Variants in CLEC12A observed in about 807,000 individuals in gnomAD.
The protein encoded by CLEC12A is C-type lectin protein CLL-1.
Under a neutral mutation model 26.5 loss-of-function variants are expected in CLEC12A, and 22 were observed. The ratio of observed to expected loss-of-function variants is 0.83; its 90% CI spans 0.59 to 1.19. The LOEUF (loss-of-function observed/expected upper bound fraction) is 1.19, where lower values mean the gene tolerates loss of function less well. Among genes scored for constraint, CLEC12A ranks in the 50% most tolerant of loss-of-function variants. The pLI is 0.00. For missense variants in CLEC12A, 353 were observed against 315.6 expected, an observed-to-expected ratio of 1.12 and a Z score of -0.90; for synonymous variants, 119 against 101.9, an observed-to-expected ratio of 1.17 and a Z score of -1.01.
downstream of CLEC12A, chr12:9,986,273 C>T (rs917486380): frequency 1.9e-5 from 5 of 256,906 alleles, no homozygotes; most frequent in African/African-American, 4.8e-5. Context: ...ACTAAAAATA[C>T]GAAGAAAAAT....
At chr12:9,965,247 T>A (rs990668949) in intron 1 of CLEC12A, among the ~76,000 whole-genome samples, 17 of 152,040 alleles carry the variant, frequency 1.1e-4, no homozygotes, top group African/African-American at 4.1e-4. Flanking sequence ...TGTGTAAGAA[T>A]TCTGACTGCC....
intron 1 of CLEC12A, among the ~76,000 whole-genome samples, chr12:9,963,259 T>G (rs1238544279): frequency 6.6e-6 from 1 of 152,030 alleles, no homozygotes; most frequent in African/African-American, 2.4e-5. Flanking sequence ...GGCTCTATCC[T>G]TGAGTTTTTT....
chr12:10,002,908 C>T, the CLEC12A span, among the ~76,000 whole-genome samples: 1 of 152,054 alleles, frequency 6.6e-6, no homozygotes, highest in Admixed American at 6.5e-5. Context: ...GGAGTACATG[C>T]AGTAAGAATG....
intron 1 of CLEC12A, among the ~76,000 whole-genome samples, chr12:9,972,937 A>G (rs981919832): frequency 2.6e-5 from 4 of 152,032 alleles, no homozygotes; most frequent in South Asian, 2.1e-4. Context: ...TTGTCCTCTC[A>G]CACCCTTTCC....
At chr12:9,967,163 G>T (rs1026251369), upstream of CLEC12A, among the ~76,000 whole-genome samples, 8 of 151,780 alleles carry the variant, frequency 5.3e-5, no homozygotes, top group Admixed American at 3.3e-4. Context: ...AGGTCACATG[G>T]GTTTGTAGAA....
intron 4 of CLEC12A, among the ~76,000 whole-genome samples, chr12:9,990,734 T>C (rs146908009): frequency 0.014 from 2,173 of 152,246 alleles, 34 homozygotes; most frequent in Admixed American, 0.033. Flanking sequence ...ATGAGTAAAA[T>C]GCTATTTAAC....
chr12:9,953,424 G>A (rs1366473849), intron 1 of CLEC12A: 1 of 81,116 alleles, frequency 1.2e-5, no homozygotes, highest in African/African-American at 4.1e-5. Flanking sequence ...TCAGCCCCCC[G>A]CCTGGCCAGC....
At chr12:9,973,500 T>C (rs1018937362) in intron 1 of CLEC12A, among the ~76,000 whole-genome samples, 3 of 151,228 alleles carry the variant, frequency 2.0e-5, no homozygotes, top group Non-Finnish European at 2.9e-5. Context: ...AACAAACAAA[T>C]AAAAACAACT....
intron 1 of CLEC12A, among the ~76,000 whole-genome samples, chr12:9,960,870 T>A (rs185769220): frequency 5.3e-4 from 81 of 152,270 alleles, no homozygotes; most frequent in African/African-American, 1.8e-3. Context: ...CCCAGCATGA[T>A]TTTTTCCCTA....
At chr12:9,957,774 T>A (rs1863767228) in intron 1 of CLEC12A, among the ~76,000 whole-genome samples, 2 of 152,222 alleles carry the variant, frequency 1.3e-5, no homozygotes, top group African/African-American at 4.8e-5. Flanking sequence ...AGCTATCAAT[T>A]TACATTGCCA....
At chr12:9,986,687 T>C (rs1327016460), downstream of CLEC12A, among the ~76,000 whole-genome samples, 1 of 152,144 alleles carries the variant, frequency 6.6e-6, no homozygotes, top group Non-Finnish European at 1.5e-5. Context: ...GACACACGCC[T>C]ACAGTCCCAG....
intron 1 of CLEC12A, among the ~76,000 whole-genome samples, chr12:9,975,558 C>T (rs541398883): frequency 2.6e-5 from 4 of 152,150 alleles, no homozygotes; most frequent in African/African-American, 7.2e-5. Context: ...AGACGTGACT[C>T]GGGTGCTGTT....
intron 4 of CLEC12A, among the ~76,000 whole-genome samples, chr12:9,993,804 T>C (rs1864959176): frequency 1.3e-5 from 2 of 152,176 alleles, no homozygotes; most frequent in African/African-American, 4.8e-5. Flanking sequence ...TGTTAAGTTA[T>C]ATTTCTTTCT....
chr12:9,994,506 C>T (rs747021980), intron 4 of CLEC12A, among the ~76,000 whole-genome samples: 23 of 151,968 alleles, frequency 1.5e-4, no homozygotes, highest in Non-Finnish European at 2.2e-4. Context: ...TTTTGATATA[C>T]AGGATGAACA....
chr12:9,995,190 C>G (rs765715499), exon 5 of CLEC12A: 1 of 1,613,196 alleles, frequency 6.2e-7, no homozygotes, highest in Non-Finnish European at 8.5e-7. Flanking sequence ...CCTCATTCGA[C>G]TTCTGGCGAG....
the CLEC12A span, among the ~76,000 whole-genome samples, chr12:10,002,592 G>A: frequency 2.4e-3 from 360 of 151,224 alleles, 3 homozygotes; most frequent in African/African-American, 7.5e-3. Context: ...ACAGGCGCCC[G>A]CCACCACGGC....
rs922005937 is a variant in CLEC12A at position 9,978,881 on chromosome 12, AAATGAATG to A, written c.92-71_92-64del. 28 of 971,448 alleles carry A rather than the reference AAATGAATG, an allele frequency of 2.9e-5. No individual in the cohort carries two copies. The African/African-American group carries it at 3.2e-4, about 11-fold the overall frequency. The allele number at this position is 971,448 out of a possible 1,614,324, so 60.2% of individuals were successfully genotyped here. On this transcript the variant is annotated intron_variant, in intron 1 of 5. Transcript: ENST00000304361. ...ATAGGCATATTAGGAAATAAAGGTA[AAATGAATG>A]AATGAATGAATGAGTAAATAATCCA... is the stretch of plus-strand genomic sequence containing the variant.
At position 9,977,979 on chromosome 12, in the gene CLEC12A, A is replaced by G. The variant is rs74065437; in HGVS notation, c.92-987A>G. Among the ~76,000 whole-genome samples the G allele has an allele frequency of 3.6e-3, 548 of 152,268 alleles. 3 individuals are homozygous for G. The highest frequency in any genetic ancestry group is 0.013 in the African/African-American group (521 of 41,576). ...GATAGCACTGGCATTTATAATTCTA[A>G]TCTTAGATAAAATCTTGAACATGTA... On this transcript the variant is annotated intron_variant, in intron 1 of 5. Transcript: ENST00000304361.
At chr12:9,977,169 A>C (rs1864372339) in intron 1 of CLEC12A, among the ~76,000 whole-genome samples, 1 of 152,202 alleles carries the variant, frequency 6.6e-6, no homozygotes, top group African/African-American at 2.4e-5. Context: ...TCTAAAGAAA[A>C]ATTTCAGAAA....
Sources: allele counts gnomAD v4.1 joint callset (sites outside exome capture counted in the v4.1 genomes callset), GRCh38; gene constraint gnomAD v4.1.1; transcripts MANE v1.5; gene names NCBI Gene and HGNC (gene_info 2026-07-23, HGNC 2026-07-21).